The following SLC5A1 variants were observed in gnomAD, a reference collection of about 807,000 sequenced individuals.
SLC5A1 encodes the protein solute carrier family 5 member 1, also known as sodium/glucose cotransporter 1.
A neutral mutation model predicts 73.5 loss-of-function variants in SLC5A1; 42 were observed. That is an observed-to-expected ratio of 0.57 (90% CI 0.45 to 0.74). The LOEUF is 0.74. Among genes scored for constraint, SLC5A1 ranks in the 30% least tolerant of loss-of-function variants. SLC5A1 has a pLI of 0.00. For missense variants in SLC5A1, 634 were observed against 855.4 expected, an observed-to-expected ratio of 0.74 and a Z score of 3.23; for synonymous variants, 300 against 317.4, an observed-to-expected ratio of 0.95 and a Z score of 0.58.
intron 5 of SLC5A1, among the ~76,000 whole-genome samples, chr22:32,070,048 G>A (rs760752229): frequency 2.0e-5 from 3 of 152,016 alleles, no homozygotes; most frequent in Non-Finnish European, 4.4e-5. Flanking sequence ...CACTGGGGCT[G>A]CCCCTCTACC....
chr22:32,066,074 C>A (rs1437566436), intron 2 of SLC5A1, among the ~76,000 whole-genome samples: 1 of 152,208 alleles, frequency 6.6e-6, no homozygotes, highest in Non-Finnish European at 1.5e-5. Flanking sequence ...ATTGCTGACA[C>A]AGTATTATGA....
intron 5 of SLC5A1, among the ~76,000 whole-genome samples, chr22:32,081,370 T>C (rs537687010): frequency 3.3e-5 from 5 of 152,240 alleles, no homozygotes; most frequent in Admixed American, 3.3e-4. Context: ...GGAGTTAAAA[T>C]TACAAACTTG....
chr22:32,067,356 T>TATTATTATTATTATTATTA (rs879755326), intron 3 of SLC5A1, among the ~76,000 whole-genome samples: 3 of 118,182 alleles, frequency 2.5e-5, no homozygotes, highest in Non-Finnish European at 3.7e-5. Flanking sequence ...TTATTATTAT[T>TATTATTATTATTATTATTA]TTTTTTAAAA....
chr22:32,110,391 C>T lies in SLC5A1; in HGVS notation c.*178C>T. On this transcript the variant is annotated 3_prime_UTR_variant, in exon 15 of 15. Transcript: ENST00000266088. The stretch of plus-strand genomic sequence containing the variant: ...ACCATTAGTTTGCTGTTAATTTATG[C>T]ATTTGAAGCCAGTGTGATACAGCCA... 2 of 656,212 alleles carry T rather than the reference C, an allele frequency of 3.0e-6. No individual in the cohort carries two copies. The highest frequency in any genetic ancestry group is 5.5e-6 in the Non-Finnish European group (2 of 360,722). The allele number at this position is 656,212 out of a possible 1,614,324, so 40.6% of individuals were successfully genotyped here.
chr22:32,091,545 T>G (rs1040528143), intron 10 of SLC5A1, 67 bp from the exon 11 acceptor site: 1 of 1,571,138 alleles, frequency 6.4e-7, no homozygotes, highest in Non-Finnish European at 8.8e-7. Flanking sequence ...TGAGTCCTCA[T>G]ATATTTTTCA....
At chr22:32,087,258 A>G (rs547864691) in intron 10 of SLC5A1, among the ~76,000 whole-genome samples, 66 of 152,376 alleles carry the variant, frequency 4.3e-4, no homozygotes, top group Non-Finnish European at 8.2e-4. Context: ...TCTCACCACA[A>G]AAAATGTTAA....
chr22:32,045,660 A>G (rs921221184), intron 1 of SLC5A1, among the ~76,000 whole-genome samples: 2 of 152,216 alleles, frequency 1.3e-5, no homozygotes, highest in Non-Finnish European at 2.9e-5. Flanking sequence ...TTGCTCTTTT[A>G]CAATTCTGCC....
At position 32,104,789 on chromosome 22, in the gene SLC5A1, T is replaced by C. The variant is rs1321638250; in HGVS notation, c.1669T>C (p.Tyr557His). ...ACCTGTTCTGCCTTCTCTGCAGCTC[T>C]ACCGTCTGTGTTGGAGCCTGCGCAA... is the stretch of plus-strand genomic sequence containing the variant. ...LTKPIPDVHL[Y>H]RLCWSLRNSK... Residue 557 changes from tyrosine to histidine, a missense_variant, in exon 14 of 15, where the codon TAC becomes CAC. Transcript: ENST00000266088. The C allele has an allele frequency of 4.3e-6, 7 of 1,613,592 alleles. No individual in the cohort carries two copies. The highest frequency in any genetic ancestry group is 3.3e-4 in the Middle Eastern group (2 of 6,082).
chr22:32,045,309 C>T (rs1231025216), intron 1 of SLC5A1, among the ~76,000 whole-genome samples: 2 of 152,228 alleles, frequency 1.3e-5, no homozygotes, highest in Non-Finnish European at 2.9e-5. Context: ...ATGGTGTTTA[C>T]ATGTTTCAAG....
At chr22:32,071,716 GAT>G (rs1042551211) in intron 5 of SLC5A1, among the ~76,000 whole-genome samples, 1 of 152,056 alleles carries the variant, frequency 6.6e-6, no homozygotes, top group African/African-American at 2.4e-5. Context: ...CCAAAGGCGA[GAT>G]TGGTCCAATC....
chr22:32,055,135 TG>T (rs1279449894), intron 2 of SLC5A1, among the ~76,000 whole-genome samples: 3 of 152,174 alleles, frequency 2.0e-5, no homozygotes, highest in Non-Finnish European at 2.9e-5. Flanking sequence ...CAAAAACTGG[TG>T]GGAAAATGTC....
intron 9 of SLC5A1, among the ~76,000 whole-genome samples, chr22:32,085,828 G>A (rs1474907669): frequency 2.6e-5 from 4 of 152,142 alleles, no homozygotes; most frequent in African/African-American, 9.7e-5. Context: ...GGAATATCCT[G>A]TTTGAAACCT....
intron 12 of SLC5A1, among the ~76,000 whole-genome samples, chr22:32,099,704 A>T (rs1320497218): frequency 6.6e-6 from 1 of 152,036 alleles, no homozygotes; most frequent in African/African-American, 2.4e-5. Context: ...TAGGATTACA[A>T]GCCAAGATTA....
intron 6 of SLC5A1, 55 bp downstream of exon 6, chr22:32,082,026 G>C (rs1455647864): frequency 6.3e-6 from 7 of 1,109,676 alleles, no homozygotes; most frequent in Admixed American, 3.4e-5. Context: ...TCAGGCACTA[G>C]TGAAGGATAA....
In SLC5A1 at chr22:32,086,333, A is replaced by AG; in HGVS notation, c.1129+6_1129+7insG. On this transcript the variant is annotated splice_region_variant and intron_variant, in intron 10 of 14. Coordinates refer to ENST00000266088, the MANE Select transcript of SLC5A1 (RefSeq NM_000343.4). Reference sequence around the variant, plus strand: ...GGTGGAGCTCATGCCCAATGGTGAGATTCTTTCTTGGGAGGTTGGTAGAGT... The same window carrying AG: ...GGTGGAGCTCATGCCCAATGGTGAGAGTTCTTTCTTGGGAGGTTGGTAGAGT... 6.3e-7 allele frequency: 1 copy of AG among 1,596,156 alleles called. No individual in the cohort carries two copies. Among genetic ancestry groups the AG allele is most frequent in the Non-Finnish European group, 8.6e-7 (1 of 1,163,796 alleles).
At position 32,054,880 on chromosome 22, in the gene SLC5A1, G is replaced by A. The variant is rs140040228; in HGVS notation, c.207+4866G>A. ...AGTAGAGACAGGGTTTCACCATGTT[G>A]GCCGGGCTGGTCTTGAACTCCTGGC... On this transcript the variant is annotated intron_variant, in intron 2 of 14. Transcript: ENST00000266088. Among the ~76,000 whole-genome samples the A allele has an allele frequency of 2.4e-3, 365 of 152,114 alleles. 2 individuals carry two copies. The highest frequency in any genetic ancestry group is 8.5e-3 in the African/African-American group (351 of 41,456).
intron 4 of SLC5A1, among the ~76,000 whole-genome samples, 170 bp from the exon 5 acceptor site, chr22:32,068,326 C>T (rs1431297665): frequency 6.6e-6 from 1 of 152,158 alleles, no homozygotes. Flanking sequence ...GAGCAAATGG[C>T]TGGAGGTCAG....
chr22:32,056,038 G>A (rs9609419), intron 2 of SLC5A1, among the ~76,000 whole-genome samples: 5,873 of 152,186 alleles, frequency 0.039, 134 homozygotes, highest in South Asian at 0.09. Context: ...GTTGTTGTTT[G>A]TTTGTTTTTT....
At position 32,110,250 on chromosome 22, in the gene SLC5A1, T is replaced by C; in HGVS notation, c.*37T>C. 1.4e-6 allele frequency: 2 copies of C among 1,473,192 alleles called. No homozygotes were observed. The highest frequency in any genetic ancestry group is 1.9e-6 in the Non-Finnish European group (2 of 1,052,828). The allele number at this position is 1,473,192 out of a possible 1,614,324, so 91.3% of individuals were successfully genotyped here. On this transcript the variant is annotated 3_prime_UTR_variant, in exon 15 of 15. Transcript: ENST00000266088. ...TGCTGTAGATTTACCATGGCTGGACTCTTACTCACCTTCCTTTAGTCTCGT... is the reference window on the plus strand; with the variant it reads ...TGCTGTAGATTTACCATGGCTGGACCCTTACTCACCTTCCTTTAGTCTCGT...
Sources: allele counts gnomAD v4.1 joint callset (sites outside exome capture counted in the v4.1 genomes callset), GRCh38; gene constraint gnomAD v4.1.1; transcripts MANE v1.5; gene names NCBI Gene and HGNC (gene_info 2026-07-23, HGNC 2026-07-21).